GNAL: variants seen among roughly 807,000 people sequenced by gnomAD.
GNAL encodes the protein G protein subunit alpha L, also known as guanine nucleotide-binding protein G(olf) subunit alpha.
GNAL carries 18 observed loss-of-function variants against 55.1 expected under a neutral mutation model. That is an observed-to-expected ratio of 0.33 (90% CI 0.23 to 0.48). GNAL has a LOEUF of 0.48. Among genes scored for constraint, GNAL ranks in the 20% least tolerant of loss-of-function variants. The pLI is 0.99. For synonymous variants in GNAL, 253 were observed against 237.0 expected (o/e 1.07, Z -0.62); for missense variants, 412 against 614.1 (o/e 0.67, Z 3.48).
At chr18:11,703,041 C>T (rs940470800) in intron 1 of GNAL, among the ~76,000 whole-genome samples, 10 of 152,172 alleles carry the variant, frequency 6.6e-5, no homozygotes, top group African/African-American at 1.9e-4. Flanking sequence ...TGACTTGAAC[C>T]TGGGAGCCAG....
intron 4 of GNAL, among the ~76,000 whole-genome samples, chr18:11,816,287 TTTTA>T (rs1207060896): frequency 6.6e-6 from 1 of 152,012 alleles, no homozygotes; most frequent in Non-Finnish European, 1.5e-5. Flanking sequence ...TCAGCAATTT[TTTTA>T]TTTTTTATTT....
Position 11,881,384 on chromosome 18 carries a change from A to C in GNAL, c.*249A>C, listed in dbSNP as rs953024815. On this transcript the variant is annotated 3_prime_UTR_variant, in exon 12 of 12. Transcript: ENST00000334049. The surrounding 1 kb of genome is among the most constrained non-coding windows in gnomAD (Gnocchi z 4.8). ...CTCTCATTGCCGACACTGCAGCAGA[A>C]TCTCTCCGGGTGGGAGCCCCATTAT... is the stretch of plus-strand genomic sequence containing the variant. 4.8e-6 allele frequency: 2 copies of C among 417,744 alleles called. No homozygotes were observed. Among genetic ancestry groups the C allele is most frequent in the Admixed American group, 3.8e-5 (1 of 26,324 alleles). The allele number at this position is 417,744 out of a possible 1,614,324, so 25.9% of individuals were successfully genotyped here.
intron 10 of GNAL, chr18:11,874,197 A>AT (rs1338101295): frequency 3.9e-5 from 6 of 152,254 alleles, no homozygotes; most frequent in Non-Finnish European, 4.4e-5. Flanking sequence ...ACCCAGCAGC[A>AT]TGCGTCATCT....
intron 4 of GNAL, among the ~76,000 whole-genome samples, chr18:11,806,689 G>A (rs183024666): frequency 3.3e-4 from 50 of 151,366 alleles, no homozygotes; most frequent in African/African-American, 1.2e-3. Flanking sequence ...AGGGAAGCAG[G>A]GCTGAAGAAT....
chr18:11,855,657 C>T (rs901267711), intron 5 of GNAL, among the ~76,000 whole-genome samples: 20 of 152,040 alleles, frequency 1.3e-4, no homozygotes, highest in Non-Finnish European at 2.6e-4. Context: ...ACTGTGTGCC[C>T]GCCCTGCTGT....
At chr18:11,775,337 C>G (rs1299643536) in intron 4 of GNAL, among the ~76,000 whole-genome samples, 3 of 152,236 alleles carry the variant, frequency 2.0e-5, no homozygotes. Flanking sequence ...ATTTTTCAAC[C>G]ATTGGTTTAA....
At chr18:11,759,255 A>G (rs1438058705) in intron 4 of GNAL, among the ~76,000 whole-genome samples, 1 of 152,232 alleles carries the variant, frequency 6.6e-6, no homozygotes, top group African/African-American at 2.4e-5. Context: ...CACTATACCA[A>G]GCAAAATCAC....
chr18:11,709,330 T>TAAA lies in GNAL; in HGVS notation c.376+19407_376+19409dup, dbSNP rs56700086. 9.3e-3 allele frequency among the ~76,000 whole-genome samples: 1,284 copies of TAAA among 138,342 alleles called. 14 individuals carry two copies. The highest frequency in any genetic ancestry group is 0.022 in the African/African-American group (816 of 37,574). 90.8% of individuals were successfully genotyped at this position (138,342 alleles called of 152,430 possible). ...TTTAGGACTGTTTTCTCTATTTTTG[T>TAAA]AAAAAAAAAAAAAAAAAAGTCATTA... On this transcript the variant is annotated intron_variant, in intron 1 of 11. Coordinates refer to ENST00000334049, the MANE Select transcript of GNAL (RefSeq NM_182978.4).
intron 5 of GNAL, among the ~76,000 whole-genome samples, chr18:11,861,965 C>CA (rs1195100109): frequency 8.0e-6 from 1 of 124,316 alleles, no homozygotes; most frequent in African/African-American, 3.1e-5. Flanking sequence ...CGCAGTCATA[C>CA]ACACACACAC....
intron 4 of GNAL, 120 bp downstream of exon 4, chr18:11,754,065 C>T: frequency 1.3e-6 from 1 of 753,030 alleles, no homozygotes; most frequent in Non-Finnish European, 2.3e-6. Context: ...AAATCCAGCT[C>T]TCTAAATGCA....
chr18:11,722,682 C>G (rs1417856026), intron 1 of GNAL, among the ~76,000 whole-genome samples: 6 of 152,110 alleles, frequency 3.9e-5, no homozygotes, highest in Non-Finnish European at 8.8e-5. Flanking sequence ...CGAGACCAGC[C>G]TACCCAACAT....
intron 9 of GNAL, among the ~76,000 whole-genome samples, chr18:11,871,150 A>G (rs2036387420): frequency 6.6e-6 from 1 of 152,128 alleles, no homozygotes; most frequent in Non-Finnish European, 1.5e-5. Context: ...ATGTTTTTCT[A>G]TAAGATTTGT....
In GNAL at chr18:11,753,829, A is replaced by G; in HGVS notation, c.508A>G (p.Ile170Val). ...TTTTTTTCTTATTCCATTTTAGACA[A>G]TTGTTTCAGCAATGAGTACTATAAT... The part of the protein sequence containing the change: ...RKNVKDAIVT[I>V]VSAMSTIIPP... The change falls in exon 4 of 12, where the codon ATT (isoleucine) becomes GTT (valine). Residue 170 changes from isoleucine (I) to valine (V), a missense_variant. Coordinates refer to ENST00000334049, the MANE Select transcript of GNAL (RefSeq NM_182978.4). 6.2e-7 allele frequency: 1 copy of G among 1,608,098 alleles called. No homozygotes were observed. The highest frequency in any genetic ancestry group is 8.5e-7 in the Non-Finnish European group (1 of 1,175,194).
intron 4 of GNAL, among the ~76,000 whole-genome samples, chr18:11,788,694 G>C (rs2034128978): frequency 6.6e-6 from 1 of 151,244 alleles, no homozygotes. Flanking sequence ...GGTCAGGCTG[G>C]TCAGAAGTTC....
chr18:11,884,260 C>T lies in GNAL; in HGVS notation c.*3125C>T, dbSNP rs2036847978. 6 of 600,958 alleles carry T rather than the reference C, an allele frequency of 1.0e-5. No homozygotes were observed. Among genetic ancestry groups the T allele is most frequent in the Non-Finnish European group, 1.7e-5 (6 of 342,882 alleles). 37.2% of individuals were successfully genotyped at this position (600,958 alleles called of 1,614,324 possible). ...AGATTTGTTGTAGAGTACCTGTCCACTTTTATAGCATGAGAACAGTACAAT... is the reference window on the plus strand; with the variant it reads ...AGATTTGTTGTAGAGTACCTGTCCATTTTTATAGCATGAGAACAGTACAAT... On this transcript the variant is annotated 3_prime_UTR_variant, in exon 12 of 12. Transcript: ENST00000334049.
intron 1 of GNAL, among the ~76,000 whole-genome samples, chr18:11,727,464 T>G (rs2032239897): frequency 6.6e-6 from 1 of 152,238 alleles, no homozygotes; most frequent in Non-Finnish European, 1.5e-5. Flanking sequence ...CTGGGCATGG[T>G]GGTGCCCACC....
intron 4 of GNAL, among the ~76,000 whole-genome samples, chr18:11,772,482 G>C (rs1331623057): frequency 6.6e-6 from 1 of 152,198 alleles, no homozygotes; most frequent in Non-Finnish European, 1.5e-5. Flanking sequence ...GCCAAATAGA[G>C]TTGATGTCTC....
chr18:11,728,063 T>TA (rs764495516), intron 1 of GNAL, among the ~76,000 whole-genome samples: 8 of 152,044 alleles, frequency 5.3e-5, no homozygotes, highest in South Asian at 4.2e-4. Flanking sequence ...TTTGTCTCTA[T>TA]AAAAAATCAA....
chr18:11,800,130 T>G (rs1203583276), intron 4 of GNAL, among the ~76,000 whole-genome samples: 2 of 152,226 alleles, frequency 1.3e-5, no homozygotes, highest in African/African-American at 4.8e-5. Flanking sequence ...ATGATGTATA[T>G]TCATGTCTTC....
Sources: allele counts gnomAD v4.1 joint callset (sites outside exome capture counted in the v4.1 genomes callset), GRCh38; gene constraint gnomAD v4.1.1; non-coding constraint Gnocchi (gnomAD v3.1); transcripts MANE v1.5; gene names NCBI Gene and HGNC (gene_info 2026-07-23, HGNC 2026-07-21).